LRRC4C: variants seen among roughly 807,000 people sequenced by gnomAD.
LRRC4C encodes leucine-rich repeat-containing protein 4C.
In LRRC4C, 5 loss-of-function variants were observed where a neutral mutation model predicts 33.6. That is an observed-to-expected ratio of 0.15 (90% CI 0.08 to 0.31). The LOEUF (loss-of-function observed/expected upper bound fraction) is 0.31, where lower values mean the gene tolerates loss of function less well. LRRC4C is among the 10% of genes least tolerant of loss of function. LRRC4C has a pLI of 1.00. For missense variants in LRRC4C, 560 were observed against 796.7 expected, an observed-to-expected ratio of 0.70 and a Z score of 3.58; for synonymous variants, 329 against 302.0, an observed-to-expected ratio of 1.09 and a Z score of -0.93.
chr11:41,453,353 G>A (rs2138664129), intron 1 of LRRC4C, among the ~76,000 whole-genome samples: 1 of 152,194 alleles, frequency 6.6e-6, no homozygotes, highest in African/African-American at 2.4e-5. Flanking sequence ...CTATATTAGG[G>A]ACCCATTGGT....
intron 1 of LRRC4C, among the ~76,000 whole-genome samples, chr11:41,362,035 T>C (rs1952372149): frequency 6.6e-6 from 1 of 152,214 alleles, no homozygotes; most frequent in Admixed American, 6.5e-5. Flanking sequence ...CTAACAGCAT[T>C]AGTTTTCAAA....
At chr11:40,147,137 C>T (rs1268121794) in intron 5 of LRRC4C, among the ~76,000 whole-genome samples, 2 of 152,120 alleles carry the variant, frequency 1.3e-5, no homozygotes, top group Non-Finnish European at 1.5e-5. Context: ...TTCCCAACTT[C>T]ATTAGCCCTT....
chr11:41,006,403 G>A (rs1327469061), intron 1 of LRRC4C, among the ~76,000 whole-genome samples: 2 of 152,106 alleles, frequency 1.3e-5, no homozygotes, highest in Admixed American at 6.6e-5. Flanking sequence ...ACATAATTTG[G>A]CCATTTCACA....
chr11:41,115,221 A>C (rs567818064), intron 1 of LRRC4C, among the ~76,000 whole-genome samples: 1 of 152,222 alleles, frequency 6.6e-6, no homozygotes, highest in East Asian at 1.9e-4. Flanking sequence ...GAAAAGCAGG[A>C]CCTTCTTTTG....
intron 1 of LRRC4C, among the ~76,000 whole-genome samples, chr11:41,407,302 T>TTTTC (rs1290960090): frequency 6.7e-5 from 9 of 134,860 alleles, no homozygotes; most frequent in Non-Finnish European, 1.3e-4. Context: ...GAATTTTTCC[T>TTTTC]TTTTTTTTTT....
At chr11:41,091,230 A>C (rs10742575) in intron 1 of LRRC4C, among the ~76,000 whole-genome samples, 46,623 of 151,578 alleles carry the variant, frequency 0.31, 7,680 homozygotes, top group East Asian at 0.54. Context: ...ATAATAGAGG[A>C]AGTTTAGTGA....
chr11:40,146,564 G>A lies in LRRC4C; in HGVS notation c.-95-5711C>T, dbSNP rs1418316326. Among the ~76,000 whole-genome samples, 4 of 152,070 alleles carry A rather than the reference G, an allele frequency of 2.6e-5. No homozygotes were observed. The East Asian group carries it at 5.8e-4, about 22-fold the overall frequency. On this transcript the variant is annotated intron_variant, in intron 5 of 6. Coordinates refer to ENST00000528697, the MANE Select transcript of LRRC4C (RefSeq NM_001258419.2). ...CTAACTTAGAAAATAGTCACAAAGA[G>A]CCCCCAAGGATGCTGCATAAGGACA...
intron 1 of LRRC4C, among the ~76,000 whole-genome samples, chr11:41,226,992 CT>C (rs1824705044): frequency 6.6e-6 from 1 of 151,958 alleles, no homozygotes; most frequent in Non-Finnish European, 1.5e-5. Context: ...CCACAGTCCT[CT>C]GCTTGCATCT....
chr11:40,177,200 A>G (rs943541822), intron 5 of LRRC4C, among the ~76,000 whole-genome samples: 9 of 150,440 alleles, frequency 6.0e-5, no homozygotes, highest in African/African-American at 2.0e-4. Context: ...TAATCTGCCC[A>G]CCTCGGCCTC....
At chr11:40,307,811 A>C (rs199561598) in intron 4 of LRRC4C, among the ~76,000 whole-genome samples, 5 of 152,242 alleles carry the variant, frequency 3.3e-5, no homozygotes, top group Non-Finnish European at 5.9e-5. Context: ...GTAAACTAAA[A>C]AAAAGTTAGA....
At chr11:40,771,867 G>A (rs1375280438) in intron 2 of LRRC4C, among the ~76,000 whole-genome samples, 1 of 152,140 alleles carries the variant, frequency 6.6e-6, no homozygotes, top group African/African-American at 2.4e-5. Context: ...TCTCTAGGAA[G>A]TTCCAAACTT....
At chr11:41,155,425 G>A (rs1944183922) in intron 1 of LRRC4C, among the ~76,000 whole-genome samples, 1 of 152,082 alleles carries the variant, frequency 6.6e-6, no homozygotes, top group South Asian at 2.1e-4. Flanking sequence ...TTTTAACCAA[G>A]TTCAGTGAAG....
chr11:41,454,464 C>T lies in LRRC4C; in HGVS notation c.-496+4967G>A, dbSNP rs549557496. Among the ~76,000 whole-genome samples, 227 of 152,170 alleles carry T rather than the reference C, an allele frequency of 1.5e-3. No homozygotes were observed. In the South Asian group the frequency reaches 0.017, roughly 12 times the overall value. On this transcript the variant is annotated intron_variant, in intron 1 of 6. Coordinates refer to ENST00000528697, the MANE Select transcript of LRRC4C (RefSeq NM_001258419.2). Reference sequence around the variant, plus strand: ...ATACTCCCCACAGCAATGATTGTAGCGCTTGTTCCTGGTAGGTGCTTAATA... The same window carrying T: ...ATACTCCCCACAGCAATGATTGTAGTGCTTGTTCCTGGTAGGTGCTTAATA...
At chr11:41,193,743 G>A (rs895044947) in intron 1 of LRRC4C, among the ~76,000 whole-genome samples, 6 of 152,054 alleles carry the variant, frequency 3.9e-5, no homozygotes, top group African/African-American at 1.4e-4. Context: ...AAGAAGCAAT[G>A]CCAGAAAACA....
chr11:40,557,807 A>G (rs1369289839), intron 3 of LRRC4C, among the ~76,000 whole-genome samples: 2 of 152,176 alleles, frequency 1.3e-5, no homozygotes, highest in African/African-American at 4.8e-5. Flanking sequence ...AGTGAATCCT[A>G]TGAGCCTTCA....
intron 3 of LRRC4C, among the ~76,000 whole-genome samples, chr11:40,395,919 G>A (rs532717206): frequency 6.6e-5 from 10 of 152,118 alleles, no homozygotes; most frequent in South Asian, 2.1e-4. Context: ...CCTGGGAGTC[G>A]GAGGTTGCAG....
chr11:41,241,450 G>A (rs894602257), intron 1 of LRRC4C, among the ~76,000 whole-genome samples: 6 of 152,090 alleles, frequency 3.9e-5, no homozygotes, highest in African/African-American at 1.4e-4. Flanking sequence ...CAAAGTAGGT[G>A]TATATGAGAT....
intron 1 of LRRC4C, among the ~76,000 whole-genome samples, chr11:41,130,785 G>T (rs907593987): frequency 6.6e-6 from 1 of 151,786 alleles, no homozygotes; most frequent in Non-Finnish European, 1.5e-5. Context: ...AAACATTTTT[G>T]AAGCAATTTA....
intron 3 of LRRC4C, among the ~76,000 whole-genome samples, chr11:40,507,908 T>G (rs2138688302): frequency 6.6e-6 from 1 of 152,186 alleles, no homozygotes; most frequent in Middle Eastern, 3.4e-3. Context: ...CCTGGTTAAC[T>G]TTTGTATTTT....
Sources: allele counts gnomAD v4.1 joint callset (sites outside exome capture counted in the v4.1 genomes callset), GRCh38; gene constraint gnomAD v4.1.1; transcripts MANE v1.5; gene names NCBI Gene and HGNC (gene_info 2026-07-23, HGNC 2026-07-21).